REEP1: variants seen among roughly 807,000 people sequenced by gnomAD.
REEP1 encodes the protein receptor expression-enhancing protein 1.
Under a neutral mutation model 40.3 loss-of-function variants are expected in REEP1, and 22 were observed. The observed-to-expected ratio is 0.55, with a 90% confidence interval of 0.39 to 0.78. The LOEUF (loss-of-function observed/expected upper bound fraction) is 0.78, where lower values mean the gene tolerates loss of function less well. REEP1 is among the 30% of genes least tolerant of loss of function. REEP1 has a pLI of 0.00. For missense variants in REEP1, 280 were observed against 361.1 expected (o/e 0.78, Z 1.82); for synonymous variants, 116 against 139.2 (o/e 0.83, Z 1.17).
chr2:86,318,918 G>C (rs1461391832), intron 1 of REEP1, among the ~76,000 whole-genome samples: 1 of 152,144 alleles, frequency 6.6e-6, no homozygotes, highest in Non-Finnish European at 1.5e-5. Flanking sequence ...TTTTATACAG[G>C]TTTCCAAACA....
intron 3 of REEP1, among the ~76,000 whole-genome samples, chr2:86,255,173 A>AGAG (rs1330811368): frequency 2.6e-5 from 4 of 152,210 alleles, no homozygotes; most frequent in African/African-American, 9.6e-5. Context: ...CTACAGGCTC[A>AGAG]GAGGATCTCT....
chr2:86,217,579 C>T (rs1674185130), intron 8 of REEP1, among the ~76,000 whole-genome samples: 1 of 151,932 alleles, frequency 6.6e-6, no homozygotes, highest in South Asian at 2.1e-4. Flanking sequence ...CAGCACACCA[C>T]ACCACAAAGG....
intron 1 of REEP1, among the ~76,000 whole-genome samples, chr2:86,302,877 G>A (rs560999985): frequency 1.3e-5 from 2 of 151,988 alleles, no homozygotes; most frequent in Admixed American, 1.3e-4. Context: ...GACCACAGTA[G>A]CATTTGACCC....
chr2:86,310,079 G>A (rs1024731279), intron 1 of REEP1, among the ~76,000 whole-genome samples: 6 of 152,188 alleles, frequency 3.9e-5, no homozygotes, highest in African/African-American at 1.4e-4. Context: ...ATCAGGTCAA[G>A]AAGTAGTTAC....
intron 5 of REEP1, among the ~76,000 whole-genome samples, chr2:86,245,104 G>A (rs889180065): frequency 6.6e-6 from 1 of 152,072 alleles, no homozygotes; most frequent in Non-Finnish European, 1.5e-5. Flanking sequence ...CTGAGATTGT[G>A]CCACTGCACT....
At chr2:86,321,654 G>T (rs1047015774) in intron 1 of REEP1, among the ~76,000 whole-genome samples, 1 of 152,048 alleles carries the variant, frequency 6.6e-6, no homozygotes, top group African/African-American at 2.4e-5. Context: ...TTGGTTTAAT[G>T]GTAAAATTAA....
intron 1 of REEP1, among the ~76,000 whole-genome samples, chr2:86,326,340 T>G (rs1284656568): frequency 6.6e-6 from 1 of 152,222 alleles, no homozygotes; most frequent in African/African-American, 2.4e-5. Flanking sequence ...AGGACAGAAG[T>G]CCAATCACTG....
At position 86,321,077 on chromosome 2, in the gene REEP1, AAAG is replaced by A. The variant is rs1240126203; in HGVS notation, c.32+16399_32+16401del. Among the ~76,000 whole-genome samples, 27 of 152,260 alleles carry A rather than the reference AAAG, an allele frequency of 1.8e-4. No individual in the cohort carries two copies. In the East Asian group the frequency reaches 5.2e-3, roughly 29 times the overall value. On this transcript the variant is annotated intron_variant, in intron 1 of 8. Transcript: ENST00000538924. ...GGTGATCTGCCCACCTTGGCCTCCC[AAAG>A]AAGTGCTGGGATTACAGGTGTGAGA...
rs1038592583 is a variant in REEP1 at position 86,337,356 on chromosome 2, T to C, written c.32+123A>G. On this transcript the variant is annotated intron_variant, in intron 1 of 8. Coordinates refer to ENST00000538924, the MANE Select transcript of REEP1 (RefSeq NM_001371279.1). The surrounding 1 kb of genome is among the most constrained non-coding windows in gnomAD (Gnocchi z 5.8). Reference sequence around the variant, plus strand: ...CTCGGCGGCTACTGTACCTGCTAAATTTAGCTGCGCCGGGTATTAATAGCC... The same window carrying C: ...CTCGGCGGCTACTGTACCTGCTAAACTTAGCTGCGCCGGGTATTAATAGCC... 6.9e-6 allele frequency: 4 copies of C among 578,234 alleles called. No homozygotes were observed. Among genetic ancestry groups the C allele is most frequent in the Non-Finnish European group, 9.8e-6 (4 of 410,086 alleles). The allele number at this position is 578,234 out of a possible 1,614,324, so 35.8% of individuals were successfully genotyped here.
intron 4 of REEP1, 127 bp downstream of exon 4, chr2:86,254,567 A>C (rs959694555): frequency 1.1e-6 from 1 of 942,392 alleles, no homozygotes; most frequent in African/African-American, 1.6e-5. Flanking sequence ...AACGATTAGG[A>C]GGAATGACTT....
chr2:86,303,537 A>AT (rs1430898475), intron 1 of REEP1, among the ~76,000 whole-genome samples: 1 of 151,354 alleles, frequency 6.6e-6, no homozygotes, highest in African/African-American at 2.4e-5. Context: ...AATTAAAAAA[A>AT]AAAATTGTAT....
intron 2 of REEP1, among the ~76,000 whole-genome samples, chr2:86,273,869 A>T (rs1311514318): frequency 6.6e-6 from 1 of 152,154 alleles, no homozygotes; most frequent in Non-Finnish European, 1.5e-5. Context: ...TTCCTAATAC[A>T]TTGTAAGCTC....
At chr2:86,308,437 C>T (rs1452061245) in intron 1 of REEP1, among the ~76,000 whole-genome samples, 1 of 152,184 alleles carries the variant, frequency 6.6e-6, no homozygotes, top group African/African-American at 2.4e-5. Flanking sequence ...TCCCAGCAGT[C>T]TCAGCTATTC....
chr2:86,268,332 T>C lies in REEP1; in HGVS notation c.106-4291A>G, dbSNP rs367733497. On this transcript the variant is annotated intron_variant, in intron 2 of 8. Transcript: ENST00000538924. ...TACAAGGTTAATGTATAAAAGTCCATTGCTTTCCTACATAATAACTGGAAC... is the reference window on the plus strand; with the variant it reads ...TACAAGGTTAATGTATAAAAGTCCACTGCTTTCCTACATAATAACTGGAAC... Among the ~76,000 whole-genome samples the C allele has an allele frequency of 8.6e-4, 131 of 152,304 alleles. 1 individual carries two copies. The South Asian group carries it at 0.027, about 31-fold the overall frequency.
At chr2:86,286,254 CA>C (rs372338766) in intron 1 of REEP1, among the ~76,000 whole-genome samples, 1 of 152,310 alleles carries the variant, frequency 6.6e-6, no homozygotes, top group African/African-American at 2.4e-5. Flanking sequence ...AGTGGTTCCC[CA>C]CTGGGGTGAT....
At chr2:86,274,978 C>T (rs1863057) in intron 2 of REEP1, among the ~76,000 whole-genome samples, 54,791 of 152,012 alleles carry the variant, frequency 0.36, 11,913 homozygotes, top group East Asian at 0.58. Context: ...CTGCCAAAGG[C>T]CTCCCTATGG....
At chr2:86,286,511 A>G (rs1186196007) in intron 1 of REEP1, among the ~76,000 whole-genome samples, 1 of 152,180 alleles carries the variant, frequency 6.6e-6, no homozygotes, top group Non-Finnish European at 1.5e-5. Context: ...TAGACCATCA[A>G]GGGTCATTTT....
At chr2:86,330,514 G>A (rs1428235655) in intron 1 of REEP1, among the ~76,000 whole-genome samples, 2 of 150,476 alleles carry the variant, frequency 1.3e-5, no homozygotes, top group Admixed American at 1.3e-4. Context: ...GCATGATCTC[G>A]GCTCACTGCA....
chr2:86,241,108 GC>G lies in REEP1; in HGVS notation c.418-8307del, dbSNP rs1438084022. On this transcript the variant is annotated intron_variant, in intron 5 of 8. Coordinates refer to ENST00000538924, the MANE Select transcript of REEP1 (RefSeq NM_001371279.1). ...CCTTGCCCGGTGATGGGGAGTCAGGGCCACCAGGAGGGACCCTCCACATACA... is the reference window on the plus strand; with the variant it reads ...CCTTGCCCGGTGATGGGGAGTCAGGGCACCAGGAGGGACCCTCCACATACA... Among the ~76,000 whole-genome samples, 7 of 152,344 alleles carry G rather than the reference GC, an allele frequency of 4.6e-5. No homozygotes were observed. In the East Asian group the frequency reaches 1.4e-3, roughly 29 times the overall value.
Sources: allele counts gnomAD v4.1 joint callset (sites outside exome capture counted in the v4.1 genomes callset), GRCh38; gene constraint gnomAD v4.1.1; non-coding constraint Gnocchi (gnomAD v3.1); transcripts MANE v1.5; gene names NCBI Gene and HGNC (gene_info 2026-07-23, HGNC 2026-07-21).